RALGAPA2: variants seen among roughly 807,000 people sequenced by gnomAD.
RALGAPA2 encodes ral GTPase-activating protein subunit alpha-2.
RALGAPA2 carries 139 observed loss-of-function variants against 230.4 expected under a neutral mutation model. The observed-to-expected ratio is 0.60, with a 90% CI of 0.53 to 0.69. RALGAPA2 has a LOEUF of 0.69. RALGAPA2 is among the 30% of genes least tolerant of loss of function. RALGAPA2 has a pLI of 0.00. For synonymous variants in RALGAPA2, 847 were observed against 837.8 expected, an observed-to-expected ratio of 1.01 and a Z score of -0.19; for missense variants, 2,163 against 2,276.0, an observed-to-expected ratio of 0.95 and a Z score of 1.01.
chr20:20,647,211 A>G (rs1603190439), intron 4 of RALGAPA2, among the ~76,000 whole-genome samples: 2 of 152,196 alleles, frequency 1.3e-5, no homozygotes, highest in Admixed American at 6.5e-5. Context: ...AAACTTTAAC[A>G]TTATAAAATC....
At chr20:20,395,895 A>G (rs1010564350) in intron 39 of RALGAPA2, among the ~76,000 whole-genome samples, 3 of 152,188 alleles carry the variant, frequency 2.0e-5, no homozygotes, top group Non-Finnish European at 4.4e-5. Context: ...AGGCTCAGGA[A>G]CGGCAGCTCG....
intron 13 of RALGAPA2, 83 bp downstream of exon 13, chr20:20,615,960 T>C (rs1227158883): frequency 1.8e-6 from 2 of 1,101,678 alleles, no homozygotes; most frequent in East Asian, 5.9e-5. Flanking sequence ...AAACATTAAA[T>C]AAATGCAAGC....
At chr20:20,554,253 T>C (rs957337112) in intron 23 of RALGAPA2, among the ~76,000 whole-genome samples, 12 of 152,236 alleles carry the variant, frequency 7.9e-5, no homozygotes, top group Non-Finnish European at 1.8e-4. Context: ...TCTTACTATA[T>C]ATATGGCATT....
rs1556005028 is a variant in RALGAPA2 at position 20,396,782 on chromosome 20, C to CG, written c.5618-49_5618-48insC. ...GGAATGAATACAAACACAACACCCC[C>CG]ACAGCTCCAACTTGATAACTAACAC... is the stretch of plus-strand genomic sequence containing the variant. On this transcript the variant is annotated intron_variant, in intron 38 of 39. Transcript: ENST00000202677. 32 of 1,488,024 alleles carry CG rather than the reference C, an allele frequency of 2.2e-5. No homozygotes were observed. In the East Asian group the frequency reaches 7.2e-4, roughly 34 times the overall value. The allele number at this position is 1,488,024 out of a possible 1,614,324, so 92.2% of individuals were successfully genotyped here.
rs1052636511 is a variant in RALGAPA2 at position 20,493,404 on chromosome 20, A to G, written c.5367+1713T>C. Among the ~76,000 whole-genome samples the G allele has an allele frequency of 3.9e-5, 6 of 152,246 alleles. 1 individual carries two copies. Among genetic ancestry groups the G allele is most frequent in the Non-Finnish European group, 8.8e-5 (6 of 68,040 alleles). The stretch of plus-strand genomic sequence containing the variant: ...GATTTGCTCAATTCATCTTGTCAGA[A>G]TTTATAGCCAAATTCATTAAATGTG... On this transcript the variant is annotated intron_variant, in intron 36 of 39. Coordinates refer to ENST00000202677, the MANE Select transcript of RALGAPA2 (RefSeq NM_020343.4).
chr20:20,620,460 T>C lies in RALGAPA2; in HGVS notation c.1401+3A>G, dbSNP rs2066285029. 3 of 1,612,348 alleles carry C rather than the reference T, an allele frequency of 1.9e-6. No individual in the cohort carries two copies. The highest frequency in any genetic ancestry group is 1.1e-5 in the South Asian group (1 of 90,984). ...AACTCAAAAGACAAGTGAAAAAAAT[T>C]ACCTCCTTGCTATCAGTCTCGGAAA... On this transcript the variant is annotated splice_donor_region_variant and intron_variant, in intron 11 of 39. Transcript: ENST00000202677.
chr20:20,511,145 A>C lies in RALGAPA2; in HGVS notation c.4928+109T>G, dbSNP rs565882836. ...ATGTCACCAGATGCTAGGTTACAGA[A>C]CTACCCTTGGATGTCTCAGTAAGTC... is the stretch of plus-strand genomic sequence containing the variant. On this transcript the variant is annotated intron_variant, in intron 33 of 39. Transcript: ENST00000202677. 160 of 1,493,236 alleles carry C rather than the reference A, an allele frequency of 1.1e-4. No individual in the cohort carries two copies. The Middle Eastern group carries it at 2.2e-3, about 21-fold the overall frequency. 92.5% of individuals were successfully genotyped at this position (1,493,236 alleles called of 1,614,324 possible).
chr20:20,545,744 A>G (rs930523722), intron 24 of RALGAPA2, among the ~76,000 whole-genome samples: 2 of 152,206 alleles, frequency 1.3e-5, no homozygotes, highest in East Asian at 1.9e-4. Flanking sequence ...CTTTAAATGT[A>G]TAACAGTATT....
chr20:20,408,335 T>A (rs1307135869), intron 38 of RALGAPA2, among the ~76,000 whole-genome samples: 1 of 152,216 alleles, frequency 6.6e-6, no homozygotes, highest in African/African-American at 2.4e-5. Context: ...GTAATAGTGA[T>A]CTGGGGATTG....
chr20:20,698,870 T>C (rs1335010536), intron 1 of RALGAPA2, among the ~76,000 whole-genome samples: 1 of 152,234 alleles, frequency 6.6e-6, no homozygotes, highest in Non-Finnish European at 1.5e-5. Context: ...CAAATGACTT[T>C]TCAGAAAGAT....
intron 1 of RALGAPA2, among the ~76,000 whole-genome samples, chr20:20,681,277 G>T (rs952752971): frequency 6.6e-6 from 1 of 152,178 alleles, no homozygotes; most frequent in Non-Finnish European, 1.5e-5. Flanking sequence ...AACTCTCTGG[G>T]CATGAAAAGA....
chr20:20,476,959 CA>C (rs1232542161), intron 36 of RALGAPA2, among the ~76,000 whole-genome samples: 1 of 151,994 alleles, frequency 6.6e-6, no homozygotes, highest in Non-Finnish European at 1.5e-5. Flanking sequence ...GTGAAAGAAA[CA>C]GACACTAAAA....
intron 3 of RALGAPA2, among the ~76,000 whole-genome samples, chr20:20,660,611 T>G (rs906532578): frequency 1.3e-5 from 2 of 152,156 alleles, no homozygotes; most frequent in Non-Finnish European, 2.9e-5. Flanking sequence ...GTACCTGGCA[T>G]CTAACCTCAT....
chr20:20,573,140 A>T, intron 20 of RALGAPA2, 72 bp from the exon 21 acceptor site: 1 of 1,285,690 alleles, frequency 7.8e-7, no homozygotes, highest in Non-Finnish European at 1.0e-6. Context: ...CTTTAAGGCA[A>T]ATTACCTTAG....
intron 35 of RALGAPA2, among the ~76,000 whole-genome samples, chr20:20,502,728 T>C (rs915894153): frequency 4.6e-5 from 7 of 152,056 alleles, no homozygotes; most frequent in African/African-American, 1.7e-4. Flanking sequence ...GCCAGGTGAG[T>C]GCATATCACA....
intron 23 of RALGAPA2, among the ~76,000 whole-genome samples, chr20:20,557,525 G>A (rs2064121027): frequency 6.6e-6 from 1 of 152,162 alleles, no homozygotes; most frequent in Non-Finnish European, 1.5e-5. Flanking sequence ...AAACACTTGA[G>A]TGAAACCACA....
At chr20:20,594,023 G>C (rs527696808) in intron 16 of RALGAPA2, among the ~76,000 whole-genome samples, 1 of 152,236 alleles carries the variant, frequency 6.6e-6, no homozygotes, top group East Asian at 1.9e-4. Context: ...TCAGTAGCAG[G>C]GCAGGAGCAC....
At chr20:20,561,576 A>G (rs1178253677) in intron 23 of RALGAPA2, among the ~76,000 whole-genome samples, 1 of 152,250 alleles carries the variant, frequency 6.6e-6, no homozygotes, top group East Asian at 1.9e-4. Flanking sequence ...CAGAGAATTT[A>G]GTAAGCTGAA....
At chr20:20,704,565 C>T (rs1471299986) in intron 1 of RALGAPA2, among the ~76,000 whole-genome samples, 2 of 152,176 alleles carry the variant, frequency 1.3e-5, no homozygotes, top group East Asian at 3.8e-4. Context: ...ATTGTCATTC[C>T]CTCTGAGAGT....
Sources: gnomAD v4.1 joint callset for allele counts (sites outside exome capture counted in the v4.1 genomes callset) on GRCh38, gnomAD v4.1.1 for gene constraint, MANE v1.5 for transcripts, NCBI Gene and HGNC (gene_info 2026-07-23, HGNC 2026-07-21) for gene names.